PCDHGB7: variants seen among roughly 807,000 people sequenced by gnomAD.
PCDHGB7 encodes the protein protocadherin gamma subfamily B, 7.
Under a neutral mutation model 61.4 loss-of-function variants are expected in PCDHGB7, and 37 were observed. The observed-to-expected ratio is 0.60, with a 90% CI of 0.46 to 0.79. PCDHGB7 has a LOEUF of 0.79. Ranked by LOEUF, PCDHGB7 falls within the 30% of genes least tolerant of loss-of-function variation. PCDHGB7 has a pLI of 0.00. For synonymous variants in PCDHGB7, 464 were observed against 503.5 expected (o/e 0.92, Z 1.05); for missense variants, 1,166 against 1,202.5 (o/e 0.97, Z 0.45).
intron 2 of PCDHGB7, 147 bp from the exon 3 acceptor site, chr5:141,505,246 G>A (rs2099844792): frequency 2.1e-6 from 3 of 1,436,556 alleles, no homozygotes; most frequent in African/African-American, 1.4e-5. Flanking sequence ...AAGGATTGTA[G>A]AAGTGCCTCC....
chr5:141,449,154 A>G (rs2098630387), intron 1 of PCDHGB7, among the ~76,000 whole-genome samples: 1 of 152,180 alleles, frequency 6.6e-6, no homozygotes, highest in African/African-American at 2.4e-5. Flanking sequence ...TGGGTCAAAG[A>G]GGAAATAGGT....
chr5:141,476,357 C>G lies in PCDHGB7; in HGVS notation c.2416-18450C>G. On this transcript the variant is annotated intron_variant, in intron 1 of 3. Transcript: ENST00000398594. The surrounding 1 kb of genome is among the most constrained non-coding windows in gnomAD (Gnocchi z 7.6). ...TAGCCGAAGATTCTTTGAGGTGAAC[C>G]GGGAGACCGGAGAGATGTTTGTGAA... The G allele has an allele frequency of 6.2e-7, 1 of 1,614,052 alleles. No individual in the cohort carries two copies. Among genetic ancestry groups the G allele is most frequent in the South Asian group, 1.1e-5 (1 of 91,078 alleles).
Position 141,420,141 on chromosome 5 carries a change from T to C in PCDHGB7, c.2282T>C (p.Met761Thr), listed in dbSNP as rs556066866. 9.9e-6 allele frequency: 16 copies of C among 1,614,040 alleles called. No homozygotes were observed. The East Asian group carries it at 3.3e-4, about 34-fold the overall frequency. Residue 761 changes from methionine to threonine, a missense_variant, in exon 1 of 4, where the codon ATG (methionine) becomes ACG (threonine). Coordinates refer to ENST00000398594, the MANE Select transcript of PCDHGB7 (RefSeq NM_018927.4). ...AYNFCVPGDQ[M>T]NPEFNFFTSV... ...AATTTTTGTGTGCCTGGGGATCAAA[T>C]GAATCCAGAATTTAATTTTTTCACA... is the stretch of plus-strand genomic sequence containing the variant.
Position 141,490,849 on chromosome 5 carries a change from C to T in PCDHGB7, c.2416-3958C>T, listed in dbSNP as rs200640560. The stretch of plus-strand genomic sequence containing the variant: ...GATGCTGCAGATTGTGGTGGGGGTT[C>T]GAGACTCCGGCTCTCCCCCATTGCA... On this transcript the variant is annotated intron_variant, in intron 1 of 3. Coordinates refer to ENST00000398594, the MANE Select transcript of PCDHGB7 (RefSeq NM_018927.4). This position sits in a 1 kb window ranked among gnomAD's most constrained non-coding sequence, Gnocchi z 5.4. The T allele has an allele frequency of 1.3e-5, 21 of 1,613,748 alleles. No individual in the cohort carries two copies. Among genetic ancestry groups the T allele is most frequent in the Admixed American group, 1.7e-5 (1 of 60,022 alleles).
intron 2 of PCDHGB7, among the ~76,000 whole-genome samples, chr5:141,501,286 C>T (rs2099806802): frequency 8.9e-6 from 1 of 112,422 alleles, no homozygotes; most frequent in African/African-American, 3.5e-5. Context: ...GGGATATTCC[C>T]TTATACACAC....
At chr5:141,484,672 A>G (rs1253641119) in intron 1 of PCDHGB7, among the ~76,000 whole-genome samples, 1 of 151,990 alleles carries the variant, frequency 6.6e-6, no homozygotes, top group African/African-American at 2.4e-5. Flanking sequence ...AGTGGGCCGC[A>G]GGTTGCTAGG....
chr5:141,432,706 C>G lies in PCDHGB7; in HGVS notation c.2415+12432C>G, dbSNP rs761752571. The G allele has an allele frequency of 6.2e-7, 1 of 1,613,988 alleles. No homozygotes were observed. Among genetic ancestry groups the G allele is most frequent in the African/African-American group, 1.3e-5 (1 of 75,072 alleles). Reference sequence around the variant, plus strand: ...GCCTCGTAGTGGCCGTCCAGGACCACGGCCAGCCCCCTCTCTCCGCCACTG... The same window carrying G: ...GCCTCGTAGTGGCCGTCCAGGACCAGGGCCAGCCCCCTCTCTCCGCCACTG... On this transcript the variant is annotated intron_variant, in intron 1 of 3. Transcript: ENST00000398594. The surrounding 1 kb of genome is among the most constrained non-coding windows in gnomAD (Gnocchi z 6.0).
rs745612756 is a variant in PCDHGB7 at position 141,487,150 on chromosome 5, T to C, written c.2416-7657T>C. The C allele has an allele frequency of 1.1e-5, 17 of 1,613,960 alleles. No individual in the cohort carries two copies. In the South Asian group the frequency reaches 1.6e-4, roughly 16 times the overall value. On this transcript the variant is annotated intron_variant, in intron 1 of 3. Transcript: ENST00000398594. This position sits in a 1 kb window ranked among gnomAD's most constrained non-coding sequence, Gnocchi z 5.0. The stretch of plus-strand genomic sequence containing the variant: ...GTAGTCCACCACTCTCTACCTCTGT[T>C]ACTCTCTTAGTGTCCTTAGAGGAAG...
At chr5:141,461,799 G>T (rs1025237561) in intron 1 of PCDHGB7, among the ~76,000 whole-genome samples, 5 of 151,188 alleles carry the variant, frequency 3.3e-5, no homozygotes, top group Admixed American at 1.3e-4. Context: ...GATTACAGGT[G>T]CCCACCACCA....
intron 1 of PCDHGB7, chr5:141,429,216 T>A (rs1590916921): frequency 6.8e-6 from 1 of 146,786 alleles, no homozygotes; most frequent in Admixed American, 6.7e-5. Context: ...GTGTGAAAAG[T>A]GGGTATTATG....
At chr5:141,473,402 T>C (rs1019157713) in intron 1 of PCDHGB7, among the ~76,000 whole-genome samples, 7 of 152,224 alleles carry the variant, frequency 4.6e-5, no homozygotes, top group Non-Finnish European at 7.3e-5. Flanking sequence ...CTTCTTTTTT[T>C]CTTCTTCAGT....
chr5:141,474,486 C>G (rs531956129), intron 1 of PCDHGB7, among the ~76,000 whole-genome samples: 11 of 152,326 alleles, frequency 7.2e-5, no homozygotes, highest in African/African-American at 2.4e-4. Context: ...TAAATGTATT[C>G]TATCTTCTAA....
chr5:141,491,938 C>A lies in PCDHGB7; in HGVS notation c.2416-2869C>A, dbSNP rs1207647899. Reference sequence around the variant, plus strand: ...TGTGGGCGAGGGGAGGTGGGACCGACCCCCACCCCTACACTCAAAAAAGGC... The same window carrying A: ...TGTGGGCGAGGGGAGGTGGGACCGAACCCCACCCCTACACTCAAAAAAGGC... On this transcript the variant is annotated intron_variant, in intron 1 of 3. Transcript: ENST00000398594. This position sits in a 1 kb window ranked among gnomAD's most constrained non-coding sequence, Gnocchi z 6.9. 1.7e-6 allele frequency: 2 copies of A among 1,199,072 alleles called. No homozygotes were observed. The highest frequency in any genetic ancestry group is 3.1e-5 in the Admixed American group (1 of 32,246). The allele number at this position is 1,199,072 out of a possible 1,614,324, so 74.3% of individuals were successfully genotyped here. A position where few individuals can be genotyped will look rare whatever the true frequency, so the allele number is the denominator to read the frequency against.
chr5:141,485,359 C>T lies in PCDHGB7; in HGVS notation c.2416-9448C>T. ...TGGATACGGACAGTCTGTCAGCTCG[C>T]AGGCTGCAGGTCGCTGGAGAGGTGA... is the stretch of plus-strand genomic sequence containing the variant. On this transcript the variant is annotated intron_variant, in intron 1 of 3. Transcript: ENST00000398594. The surrounding 1 kb of genome is among the most constrained non-coding windows in gnomAD (Gnocchi z 5.7). 6.2e-7 allele frequency: 1 copy of T among 1,614,144 alleles called. No homozygotes were observed. The highest frequency in any genetic ancestry group is 8.5e-7 in the Non-Finnish European group (1 of 1,180,010).
chr5:141,479,000 T>C (rs2099485433), intron 1 of PCDHGB7, among the ~76,000 whole-genome samples: 1 of 152,244 alleles, frequency 6.6e-6, no homozygotes, highest in Non-Finnish European at 1.5e-5. Flanking sequence ...TTAAAACTAA[T>C]AGCTTTTTGA....
intron 1 of PCDHGB7, chr5:141,420,545 A>G: frequency 3.5e-6 from 1 of 289,066 alleles, no homozygotes; most frequent in Non-Finnish European, 6.2e-6. Flanking sequence ...TATAAAATAC[A>G]GGTATATTTT....
In PCDHGB7 at chr5:141,417,926, C is replaced by T. The variant is rs779409064; in HGVS notation, c.67C>T (p.Pro23Ser). ...GCAGGTACTATTTCCTTTGCTGCTG[C>T]CTTTGTTCTACCCCACGCTGTGTGA... Reference protein sequence around the residue: ...PRQVLFPLLLPLFYPTLCEPI... With the variant: ...PRQVLFPLLLSLFYPTLCEPI... Residue 23 changes from proline (P) to serine (S), a missense_variant, in exon 1 of 4, where the codon CCT (proline) becomes TCT (serine). Pro to Ser is a moderately conservative substitution (Grantham distance 74). Coordinates refer to ENST00000398594, the MANE Select transcript of PCDHGB7 (RefSeq NM_018927.4). 1 of 1,610,108 alleles carries T rather than the reference C, an allele frequency of 6.2e-7. No individual in the cohort carries two copies. The highest frequency in any genetic ancestry group is 2.2e-5 in the East Asian group (1 of 44,820).
chr5:141,423,297 C>G lies in PCDHGB7; in HGVS notation c.2415+3023C>G, dbSNP rs1322889810. 3 of 1,614,170 alleles carry G rather than the reference C, an allele frequency of 1.9e-6. 1 individual carries two copies. The South Asian group carries it at 3.3e-5, about 18-fold the overall frequency. The stretch of plus-strand genomic sequence containing the variant: ...TGGCTAACTCTGAAACCTCAGACCT[C>G]TCGCTGTACTTGGTGGTGGCGGTGG... On this transcript the variant is annotated intron_variant, in intron 1 of 3. Transcript: ENST00000398594.
At chr5:141,481,524 A>G (rs186970700) in intron 1 of PCDHGB7, among the ~76,000 whole-genome samples, 4 of 152,240 alleles carry the variant, frequency 2.6e-5, no homozygotes, top group African/African-American at 9.6e-5. Flanking sequence ...CTCAGTAAAA[A>G]TCTAGAGATG....
Sources: gnomAD v4.1 joint callset for allele counts (sites outside exome capture counted in the v4.1 genomes callset) on GRCh38, gnomAD v4.1.1 for gene constraint, Gnocchi (gnomAD v3.1) non-coding constraint, MANE v1.5 for transcripts, NCBI Gene and HGNC (gene_info 2026-07-23, HGNC 2026-07-21) for gene names.